The following PAK2 variants were observed in gnomAD, a reference collection of about 807,000 sequenced individuals.
The protein encoded by PAK2 is serine/threonine-protein kinase PAK 2.
PAK2 carries 21 observed loss-of-function variants against 65.9 expected under a neutral mutation model. The observed-to-expected ratio is 0.32, with a 90% CI of 0.23 to 0.46. PAK2 has a LOEUF of 0.46. Ranked by LOEUF, PAK2 falls within the 20% of genes least tolerant of loss-of-function variation. The pLI is 1.00. For missense variants in PAK2, 324 were observed against 642.6 expected, an observed-to-expected ratio of 0.50 and a Z score of 5.36; for synonymous variants, 204 against 219.7, an observed-to-expected ratio of 0.93 and a Z score of 0.63.
At chr3:196,770,039 T>C (rs1714313538) in intron 1 of PAK2, among the ~76,000 whole-genome samples, 1 of 151,968 alleles carries the variant, frequency 6.6e-6, no homozygotes, top group African/African-American at 2.4e-5. Flanking sequence ...GAGGATAGCT[T>C]GAGCTAAGGA....
rs1239776182 is a variant in PAK2, at chr3:196,802,136, C to T, written c.288+109C>T. The T allele has an allele frequency of 7.6e-5, 53 of 693,468 alleles. 1 individual carries two copies. The East Asian group carries it at 1.3e-3, about 17-fold the overall frequency. The allele number at this position is 693,468 out of a possible 1,614,324, so 43.0% of individuals were successfully genotyped here. The stretch of plus-strand genomic sequence containing the variant: ...ATTTCAGGCCAGGTGCGGTGGCACA[C>T]GCCTGTAATCCCAGCACTTTGGGAG... On this transcript the variant is annotated intron_variant, in intron 3 of 14. Coordinates refer to ENST00000327134, the MANE Select transcript of PAK2 (RefSeq NM_002577.4).
intron 8 of PAK2, among the ~76,000 whole-genome samples, chr3:196,810,879 C>G (rs1715756875): frequency 6.6e-6 from 1 of 151,966 alleles, no homozygotes; most frequent in Admixed American, 6.6e-5. Flanking sequence ...TCTTAAGTGT[C>G]ATTTCCCATC....
At chr3:196,815,456 C>T (rs1166421366) in intron 11 of PAK2, among the ~76,000 whole-genome samples, 5 of 150,102 alleles carry the variant, frequency 3.3e-5, no homozygotes, top group Non-Finnish European at 5.9e-5. Context: ...TGCGCCACCG[C>T]ACTCCATCCT....
chr3:196,821,524 A>T (rs368590778), intron 13 of PAK2, among the ~76,000 whole-genome samples: 1 of 152,062 alleles, frequency 6.6e-6, no homozygotes, highest in East Asian at 1.9e-4. Context: ...TCTTTACTGA[A>T]AATACAAGAT....
At chr3:196,793,070 T>TG (rs1715125988) in intron 2 of PAK2, among the ~76,000 whole-genome samples, 1 of 152,266 alleles carries the variant, frequency 6.6e-6, no homozygotes, top group African/African-American at 2.4e-5. Context: ...GCACTACACA[T>TG]GCTGAGGAGA....
chr3:196,778,214 G>C (rs745599598), intron 1 of PAK2, among the ~76,000 whole-genome samples: 2 of 152,138 alleles, frequency 1.3e-5, no homozygotes, highest in African/African-American at 4.8e-5. Flanking sequence ...CCATGTTGCA[G>C]CGTGTATCGG....
chr3:196,740,442 A>T lies in PAK2; in HGVS notation c.-22+285A>T, dbSNP rs114966621. ...CCAGCCCTGCTCTGAACCTCGCGGCACCACGGTCTCTGCCGACTCTCGGTC... is the reference window on the plus strand; with the variant it reads ...CCAGCCCTGCTCTGAACCTCGCGGCTCCACGGTCTCTGCCGACTCTCGGTC... On this transcript the variant is annotated intron_variant, in intron 1 of 14. Transcript: ENST00000327134. Among the ~76,000 whole-genome samples, 801 of 151,894 alleles carry T rather than the reference A, an allele frequency of 5.3e-3. 4 individuals are homozygous for T. Among genetic ancestry groups the T allele is most frequent in the African/African-American group, 0.017 (701 of 41,408 alleles).
intron 1 of PAK2, among the ~76,000 whole-genome samples, chr3:196,770,354 CAGAATTTCA>C (rs1156357944): frequency 6.6e-6 from 1 of 151,758 alleles, no homozygotes; most frequent in African/African-American, 2.4e-5. Context: ...TAATATATAT[CAGAATTTCA>C]TTCCTGAGCC....
At chr3:196,818,389 T>C (rs1711539033) in intron 12 of PAK2, among the ~76,000 whole-genome samples, 1 of 152,048 alleles carries the variant, frequency 6.6e-6, no homozygotes, top group African/African-American at 2.4e-5. Flanking sequence ...TATTAGGTAA[T>C]GTCTTGTCTT....
At chr3:196,773,563 C>T (rs1388087467) in intron 1 of PAK2, among the ~76,000 whole-genome samples, 2 of 152,002 alleles carry the variant, frequency 1.3e-5, no homozygotes, top group Admixed American at 6.6e-5. Context: ...TTGATGTTGT[C>T]TAGTGCTGTT....
chr3:196,757,225 G>C lies in PAK2; in HGVS notation c.-22+17068G>C, dbSNP rs1225622821. On this transcript the variant is annotated intron_variant, in intron 1 of 14. Coordinates refer to ENST00000327134, the MANE Select transcript of PAK2 (RefSeq NM_002577.4). ...ACCAGGGGTGACTCAGGTCAAAGCA[G>C]GTGACTGGGATGAGTCAGGACAGAG... 3.3e-5 allele frequency among the ~76,000 whole-genome samples: 5 copies of C among 152,322 alleles called. No homozygotes were observed. The South Asian group carries it at 1.0e-3, about 32-fold the overall frequency.
At chr3:196,759,816 T>C (rs1713903808) in intron 1 of PAK2, among the ~76,000 whole-genome samples, 1 of 152,048 alleles carries the variant, frequency 6.6e-6, no homozygotes, top group Non-Finnish European at 1.5e-5. Context: ...TGAGTCACTG[T>C]GCCCAGCCAG....
rs373591850 is a variant in PAK2, at chr3:196,801,883, T to A, written c.188-44T>A. On this transcript the variant is annotated intron_variant, in intron 2 of 14. Coordinates refer to ENST00000327134, the MANE Select transcript of PAK2 (RefSeq NM_002577.4). ...ATTATAAGTGCCTTTACTAGTCTTGTTTAAATAGGCTGATTCTTTCTCTTT... is the reference window on the plus strand; with the variant it reads ...ATTATAAGTGCCTTTACTAGTCTTGATTAAATAGGCTGATTCTTTCTCTTT... The A allele has an allele frequency of 1.5e-5, 15 of 1,008,174 alleles. No homozygotes were observed. The Middle Eastern group carries it at 8.1e-4, about 54-fold the overall frequency. The allele number at this position is 1,008,174 out of a possible 1,614,324, so 62.5% of individuals were successfully genotyped here. A position where few individuals can be genotyped will look rare whatever the true frequency, so the allele number is the denominator to read the frequency against.
intron 6 of PAK2, among the ~76,000 whole-genome samples, chr3:196,807,020 TTTCCTC>T (rs1715607392): frequency 6.6e-6 from 1 of 152,184 alleles, no homozygotes. Context: ...AACTTAGAGC[TTTCCTC>T]TTACCCAGAT....
intron 9 of PAK2, 102 bp from the exon 10 acceptor site, chr3:196,812,637 T>C (rs1715865568): frequency 3.1e-6 from 2 of 636,536 alleles, no homozygotes; most frequent in Non-Finnish European, 5.6e-6. Context: ...AATAGCATGG[T>C]GTAATACAGT....
chr3:196,798,471 G>C (rs989423598), intron 2 of PAK2, among the ~76,000 whole-genome samples: 1 of 151,750 alleles, frequency 6.6e-6, no homozygotes, highest in African/African-American at 2.4e-5. Flanking sequence ...AGCCTCCCTA[G>C]TAGGTGGGAT....
chr3:196,744,264 T>TA (rs1432969630), intron 1 of PAK2, among the ~76,000 whole-genome samples: 1 of 152,132 alleles, frequency 6.6e-6, no homozygotes, highest in East Asian at 1.9e-4. Flanking sequence ...TGGAAAGTGG[T>TA]AAAAACTTTT....
intron 1 of PAK2, among the ~76,000 whole-genome samples, chr3:196,745,119 C>CTTTTT (rs34651855): frequency 7.4e-6 from 1 of 135,552 alleles, no homozygotes; most frequent in African/African-American, 2.7e-5. Flanking sequence ...GTGTTTCAAT[C>CTTTTT]TTTTTTTTTT....
At position 196,809,985 on chromosome 3, in the gene PAK2, T is replaced by G. The variant is rs1715721173; in HGVS notation, c.710-605T>G. ...TTTGAACTTTCCTAAAACAAACATA[T>G]GATTAGTTTATGTCAGAGCATAGTA... is the stretch of plus-strand genomic sequence containing the variant. On this transcript the variant is annotated intron_variant, in intron 7 of 14. Coordinates refer to ENST00000327134, the MANE Select transcript of PAK2 (RefSeq NM_002577.4). 2.0e-5 allele frequency among the ~76,000 whole-genome samples: 3 copies of G among 152,176 alleles called. No individual in the cohort carries two copies. The South Asian group carries it at 6.2e-4, about 32-fold the overall frequency.
Sources: gnomAD v4.1 joint callset for allele counts (sites outside exome capture counted in the v4.1 genomes callset) on GRCh38, gnomAD v4.1.1 for gene constraint, MANE v1.5 for transcripts, NCBI Gene and HGNC (gene_info 2026-07-23, HGNC 2026-07-21) for gene names.